The following XRN1 variants were observed in gnomAD, a reference collection of about 807,000 sequenced individuals.
XRN1 encodes the protein strand-exchange protein 1 homolog.
In XRN1, 67 loss-of-function variants were observed where a neutral mutation model predicts 222.3. The observed-to-expected ratio is 0.30, with a 90% CI of 0.25 to 0.37. The LOEUF is 0.37. XRN1 is among the 10% of genes least tolerant of loss of function. The pLI is 1.00. For synonymous variants in XRN1, 643 were observed against 652.4 expected (o/e 0.99, Z 0.22); for missense variants, 1,707 against 2,000.2 (o/e 0.85, Z 2.80).
At chr3:142,414,452 G>A (rs1399488348) in intron 13 of XRN1, 161 bp from the exon 14 acceptor site, 2 of 496,478 alleles carry the variant, frequency 4.0e-6, no homozygotes, top group African/African-American at 2.0e-5. Flanking sequence ...TAGCAGTGTT[G>A]GAAAATTTAG....
At chr3:142,325,919 G>C (rs897333747) in intron 37 of XRN1, among the ~76,000 whole-genome samples, 1 of 151,808 alleles carries the variant, frequency 6.6e-6, no homozygotes, top group African/African-American at 2.4e-5. Context: ...TTACTGAAGG[G>C]GCTGTTCTTT....
At chr3:142,346,438 A>G (rs2066145061) in intron 33 of XRN1, among the ~76,000 whole-genome samples, 1 of 152,090 alleles carries the variant, frequency 6.6e-6, no homozygotes, top group Non-Finnish European at 1.5e-5. Flanking sequence ...TAGGGGAATA[A>G]TAAGATTAAA....
At chr3:142,360,351 C>T (rs1033797116) in intron 29 of XRN1, among the ~76,000 whole-genome samples, 2 of 152,098 alleles carry the variant, frequency 1.3e-5, no homozygotes, top group African/African-American at 4.8e-5. Flanking sequence ...CCCACGTAAA[C>T]ATGTGCATTC....
At chr3:142,340,349 C>G (rs935726161) in intron 33 of XRN1, among the ~76,000 whole-genome samples, 5 of 151,576 alleles carry the variant, frequency 3.3e-5, no homozygotes, top group African/African-American at 1.2e-4. Context: ...AAGTGAAACT[C>G]CATCTCAAAA....
chr3:142,332,920 A>G (rs780306117), intron 35 of XRN1, 47 bp downstream of exon 35: 3 of 1,604,610 alleles, frequency 1.9e-6, no homozygotes, highest in Non-Finnish European at 1.7e-6. Context: ...TGCATGGTCA[A>G]CAGTCGAGAA....
Position 142,310,722 on chromosome 3 carries a change from G to C in XRN1, c.*789C>G, listed in dbSNP as rs2065056616. On this transcript the variant is annotated 3_prime_UTR_variant, in exon 41 of 41. Coordinates refer to ENST00000392981, the MANE Select transcript of XRN1 (RefSeq NM_001282857.2). ...TAATATTTCATATTTTATTTTGTTA[G>C]AAGATTAATTTGTAATCATTGTACC... 6.6e-6 allele frequency: 1 copy of C among 152,488 alleles called. No individual in the cohort carries two copies. The highest frequency in any genetic ancestry group is 2.1e-4 in the South Asian group (1 of 4,820). The allele number at this position is 152,488 out of a possible 1,614,324, so 9.4% of individuals were successfully genotyped here.
chr3:142,402,144 C>G (rs915607646), intron 18 of XRN1, among the ~76,000 whole-genome samples: 8 of 152,094 alleles, frequency 5.3e-5, no homozygotes, highest in African/African-American at 1.9e-4. Flanking sequence ...TCTCCAAGCT[C>G]TAGCTCCAGG....
rs1577194780 is a variant in XRN1, at chr3:142,310,256, G to C, written c.*1255C>G. 6.6e-6 allele frequency: 1 copy of C among 152,308 alleles called. No homozygotes were observed. The highest frequency in any genetic ancestry group is 1.5e-5 in the Non-Finnish European group (1 of 67,960). The allele number at this position is 152,308 out of a possible 1,614,324, so 9.4% of individuals were successfully genotyped here. ...CAAGCTGCTCCATATAAAGATTGTG[G>C]TTCCTACTTTTAAAAAAGTATGCTA... On this transcript the variant is annotated 3_prime_UTR_variant, in exon 41 of 41. Coordinates refer to ENST00000392981, the MANE Select transcript of XRN1 (RefSeq NM_001282857.2).
At chr3:142,410,303 C>T (rs369357009) in intron 15 of XRN1, among the ~76,000 whole-genome samples, 4 of 151,784 alleles carry the variant, frequency 2.6e-5, no homozygotes, top group South Asian at 4.2e-4. Flanking sequence ...TTGAACATTT[C>T]TATTAAAACT....
In XRN1 at chr3:142,311,614, T is replaced by A. The variant is rs1468858790; in HGVS notation, c.4982A>T (p.Gln1661Leu). 28 of 1,614,006 alleles carry A rather than the reference T, an allele frequency of 1.7e-5. No individual in the cohort carries two copies. The highest frequency in any genetic ancestry group is 2.4e-5 in the Non-Finnish European group (28 of 1,180,012). The change falls in exon 41 of 41, where the codon CAA (glutamine) becomes CTA (leucine). Residue 1661 changes from glutamine to leucine, a missense_variant. This residue lies in a region of XRN1 where 473 missense variants were observed against 482.0 expected (regional missense o/e 0.98). Coordinates refer to ENST00000392981, the MANE Select transcript of XRN1 (RefSeq NM_001282857.2). ...ASSFQVETAS[Q>L]GHSISHHKST... is the part of the protein sequence containing the mutation. ...CTTATGGTGAGATATACTATGGCCT[T>A]GAGAGGCAGTTTCAACTTGAAAAGA...
chr3:142,389,239 T>A (rs965829342), intron 20 of XRN1, among the ~76,000 whole-genome samples: 1 of 151,806 alleles, frequency 6.6e-6, no homozygotes, highest in African/African-American at 2.4e-5. Context: ...AAGAAGCAAT[T>A]CCTCATCCAT....
At chr3:142,314,358 T>C (rs190292393) in intron 39 of XRN1, among the ~76,000 whole-genome samples, 2 of 152,198 alleles carry the variant, frequency 1.3e-5, no homozygotes, top group Admixed American at 1.3e-4. Flanking sequence ...ATATCAATAA[T>C]AAATGGGGAA....
In XRN1 at chr3:142,421,010, A is replaced by T; in HGVS notation, c.1173+6T>A. The stretch of plus-strand genomic sequence containing the variant: ...ACAATGAAAGGACACCTAAAAAAAT[A>T]GACACCTTTAACTTTTTCTTTTCCT... On this transcript the variant is annotated splice_donor_region_variant and intron_variant, in intron 10 of 40. Coordinates refer to ENST00000392981, the MANE Select transcript of XRN1 (RefSeq NM_001282857.2). The T allele has an allele frequency of 6.2e-7, 1 of 1,613,692 alleles. No individual in the cohort carries two copies. The highest frequency in any genetic ancestry group is 8.5e-7 in the Non-Finnish European group (1 of 1,179,842).
intron 33 of XRN1, 65 bp from the exon 34 acceptor site, chr3:142,335,574 A>C: frequency 1.5e-6 from 2 of 1,347,262 alleles, no homozygotes; most frequent in Non-Finnish European, 2.1e-6. Flanking sequence ...AAACTACCAA[A>C]TATTTATAAT....
chr3:142,339,923 T>C (rs1454733388), intron 33 of XRN1, among the ~76,000 whole-genome samples: 21 of 152,066 alleles, frequency 1.4e-4, no homozygotes, highest in Admixed American at 5.2e-4. Flanking sequence ...TTCACAAAGA[T>C]AGTGAAATAA....
intron 15 of XRN1, among the ~76,000 whole-genome samples, chr3:142,411,374 CTTGAGT>C (rs1577387721): frequency 6.6e-6 from 1 of 151,948 alleles, no homozygotes; most frequent in Non-Finnish European, 1.5e-5. Context: ...CTTCATTCTG[CTTGAGT>C]TTAATTTGCT....
chr3:142,346,421 T>C (rs1215872663), intron 33 of XRN1, among the ~76,000 whole-genome samples: 4 of 152,134 alleles, frequency 2.6e-5, no homozygotes, highest in Admixed American at 2.6e-4. Flanking sequence ...TGTCATACTG[T>C]ATTGTTTAGG....
chr3:142,351,891 A>T (rs879421322), intron 32 of XRN1, among the ~76,000 whole-genome samples: 1 of 147,790 alleles, frequency 6.8e-6, no homozygotes, highest in Non-Finnish European at 1.5e-5. Context: ...GAAGAAGAAC[A>T]TTTTTTTTTA....
chr3:142,318,448 G>A (rs1350977133), intron 39 of XRN1, 144 bp downstream of exon 39: 1 of 756,044 alleles, frequency 1.3e-6, no homozygotes, highest in Non-Finnish European at 2.1e-6. Context: ...GGTACTTTTA[G>A]ATGAATCTGC....
Sources: gnomAD v4.1 joint callset for allele counts (sites outside exome capture counted in the v4.1 genomes callset) on GRCh38, gnomAD v4.1.1 for gene constraint, gnomAD v4.1.1 regional missense constraint, MANE v1.5 for transcripts, NCBI Gene and HGNC (gene_info 2026-07-23, HGNC 2026-07-21) for gene names.